The following PRKAR1B variants were observed in gnomAD, a reference collection of about 807,000 sequenced individuals.
PRKAR1B encodes the protein protein kinase cAMP-dependent type I regulatory subunit beta.
A neutral mutation model predicts 46.5 loss-of-function variants in PRKAR1B; 22 were observed. That is an observed-to-expected ratio of 0.47 (90% CI 0.34 to 0.68). The LOEUF is 0.68. Ranked by LOEUF, PRKAR1B falls within the 30% of genes least tolerant of loss-of-function variation. The pLI is 0.01. For missense variants in PRKAR1B, 445 were observed against 535.6 expected (o/e 0.83, Z 1.67); for synonymous variants, 259 against 217.7 (o/e 1.19, Z -1.67).
chr7:595,138 C>T (rs1202977372), intron 7 of PRKAR1B, among the ~76,000 whole-genome samples: 3 of 152,192 alleles, frequency 2.0e-5, no homozygotes, highest in East Asian at 1.9e-4. Flanking sequence ...CTCTGGACAG[C>T]GCCTCACTGC....
intron 7 of PRKAR1B, among the ~76,000 whole-genome samples, chr7:595,133 G>C (rs1781199310): frequency 6.6e-6 from 1 of 152,166 alleles, no homozygotes; most frequent in Non-Finnish European, 1.5e-5. Context: ...GCCCTCTCTG[G>C]ACAGCGCCTC....
At chr7:582,844 C>G (rs1338053724) in intron 8 of PRKAR1B, among the ~76,000 whole-genome samples, 1 of 152,226 alleles carries the variant, frequency 6.6e-6, no homozygotes, top group Non-Finnish European at 1.5e-5. Context: ...AGAGGCCCTG[C>G]GTTTGGGATT....
chr7:720,172 T>A (rs1329432458), intron 1 of PRKAR1B, among the ~76,000 whole-genome samples: 2 of 149,596 alleles, frequency 1.3e-5, no homozygotes, highest in Non-Finnish European at 3.0e-5. Flanking sequence ...TTCTCCTGCC[T>A]CAGCCTCCAG....
chr7:706,714 C>A (rs544162595), intron 2 of PRKAR1B, among the ~76,000 whole-genome samples: 1 of 151,838 alleles, frequency 6.6e-6, no homozygotes, highest in South Asian at 2.1e-4. Context: ...CATGAGCCAC[C>A]GCGCCCGGCC....
chr7:584,447 G>A, intron 8 of PRKAR1B, 61 bp downstream of exon 8: 1 of 1,459,442 alleles, frequency 6.9e-7, no homozygotes. Flanking sequence ...GAAGAGGCCG[G>A]GGTGGCCAGC....
chr7:551,312 T>TCAC, intron 10 of PRKAR1B, 77 bp downstream of exon 10: 8 of 1,409,832 alleles, frequency 5.7e-6, no homozygotes, highest in Non-Finnish European at 7.8e-6. Context: ...CAGCAGCTCC[T>TCAC]CACCTCCAGG....
chr7:574,185 G>A (rs1336754534), intron 9 of PRKAR1B, among the ~76,000 whole-genome samples: 6 of 152,256 alleles, frequency 3.9e-5, no homozygotes, highest in Admixed American at 2.0e-4. Flanking sequence ...TGAATAATGG[G>A]TGATTGTCTG....
intron 4 of PRKAR1B, among the ~76,000 whole-genome samples, chr7:662,440 C>T (rs1785648307): frequency 7.9e-6 from 1 of 126,092 alleles, no homozygotes; most frequent in African/African-American, 3.1e-5. Context: ...TACTCTCCCC[C>T]CAGTGCCACA....
At chr7:717,110 G>C (rs774556862) in intron 1 of PRKAR1B, among the ~76,000 whole-genome samples, 5 of 151,966 alleles carry the variant, frequency 3.3e-5, no homozygotes, top group Non-Finnish European at 7.4e-5. Flanking sequence ...GGGCAACATG[G>C]TGAAACCCCA....
chr7:614,694 C>T (rs1372272361), intron 4 of PRKAR1B, among the ~76,000 whole-genome samples: 7 of 152,072 alleles, frequency 4.6e-5, no homozygotes, highest in Non-Finnish European at 7.4e-5. Flanking sequence ...GGCAGATCAC[C>T]TGAGGTCAGG....
intron 7 of PRKAR1B, among the ~76,000 whole-genome samples, chr7:586,193 C>A (rs13241164): frequency 2.0e-5 from 3 of 151,944 alleles, no homozygotes; most frequent in Non-Finnish European, 4.4e-5. Context: ...GAGAAACAGC[C>A]GTGTGGTTTA....
chr7:589,677 GC>G (rs1157376850), intron 7 of PRKAR1B, among the ~76,000 whole-genome samples: 1 of 152,172 alleles, frequency 6.6e-6, no homozygotes, highest in Admixed American at 6.5e-5. Flanking sequence ...GCACGGCCAG[GC>G]CCCACACTGT....
chr7:623,778 C>T (rs1020341714), intron 4 of PRKAR1B, among the ~76,000 whole-genome samples: 1 of 152,256 alleles, frequency 6.6e-6, no homozygotes, highest in African/African-American at 2.4e-5. Flanking sequence ...GTCTTCCATG[C>T]CATGCTTTAA....
At chr7:699,269 T>C (rs1419359292) in intron 2 of PRKAR1B, among the ~76,000 whole-genome samples, 1 of 152,152 alleles carries the variant, frequency 6.6e-6, no homozygotes, top group Non-Finnish European at 1.5e-5. Context: ...GGAATGTAAA[T>C]ATCTCATCTG....
intron 6 of PRKAR1B, among the ~76,000 whole-genome samples, chr7:605,181 C>A (rs1276921306): frequency 1.3e-5 from 2 of 152,216 alleles, no homozygotes. Flanking sequence ...GGCCCTGGGG[C>A]CGCCAGTGCA....
intron 7 of PRKAR1B, among the ~76,000 whole-genome samples, chr7:590,873 C>T (rs952495053): frequency 2.0e-5 from 3 of 152,136 alleles, no homozygotes; most frequent in South Asian, 2.1e-4. Context: ...TCAGAAACGC[C>T]GAGCCCAGGC....
At chr7:693,757 G>A (rs1021316663) in intron 2 of PRKAR1B, among the ~76,000 whole-genome samples, 3 of 152,148 alleles carry the variant, frequency 2.0e-5, no homozygotes, top group South Asian at 4.1e-4. Flanking sequence ...TTCGGGCTGT[G>A]TACCTAGGAG....
chr7:670,499 G>A (rs1786177925), intron 4 of PRKAR1B, among the ~76,000 whole-genome samples: 1 of 147,834 alleles, frequency 6.8e-6, no homozygotes, highest in Non-Finnish European at 1.5e-5. Context: ...TCCAGCAGAG[G>A]GGCTCAGGAC....
chr7:571,773 A>C (rs1779526431), intron 9 of PRKAR1B, among the ~76,000 whole-genome samples: 1 of 152,088 alleles, frequency 6.6e-6, no homozygotes. Context: ...AGGGAACCTG[A>C]GATGGTGCCC....
Sources: gnomAD v4.1 joint callset for allele counts (sites outside exome capture counted in the v4.1 genomes callset) on GRCh38, gnomAD v4.1.1 for gene constraint, MANE v1.5 for transcripts, NCBI Gene and HGNC (gene_info 2026-07-23, HGNC 2026-07-21) for gene names.